MDM4: variants seen among roughly 807,000 people sequenced by gnomAD.
MDM4 encodes MDM4 regulator of p53, also known as protein Mdm4.
MDM4 carries 2 observed loss-of-function variants against 60.2 expected under a neutral mutation model. The ratio of observed to expected loss-of-function variants is 0.03; its 90% CI spans 0.01 to 0.10. MDM4 has a LOEUF of 0.10. Ranked by LOEUF, MDM4 falls within the 10% of genes least tolerant of loss-of-function variation. MDM4 has a pLI of 1.00. For synonymous variants in MDM4, 202 were observed against 198.1 expected, an observed-to-expected ratio of 1.02 and a Z score of -0.17; for missense variants, 447 against 577.5, an observed-to-expected ratio of 0.77 and a Z score of 2.32.
intron 6 of MDM4, chr1:204,537,875 T>G (rs746708142): frequency 1.5e-6 from 1 of 672,262 alleles, no homozygotes; most frequent in Non-Finnish European, 2.9e-6. Context: ...TTTATAGTCA[T>G]CTTGGTACGT....
intron 1 of MDM4, 164 bp from the exon 2 acceptor site, chr1:204,525,320 C>T (rs1435082344): frequency 1.0e-6 from 1 of 984,668 alleles, no homozygotes; most frequent in Non-Finnish European, 1.2e-6. Flanking sequence ...AGAAAGTAGT[C>T]AGAAGATATG....
At position 204,530,667 on chromosome 1, in the gene MDM4, T is replaced by C. The variant is rs190304158; in HGVS notation, c.154-17T>C. The C allele has an allele frequency of 9.3e-6, 15 of 1,614,068 alleles. No homozygotes were observed. The Admixed American group carries it at 2.0e-4, about 22-fold the overall frequency. On this transcript the variant is annotated splice_polypyrimidine_tract_variant and intron_variant, in intron 3 of 10. Transcript: ENST00000367182. ...AGCAGCTGGACAGATCACAACATGG[T>C]ATTTTATTCCATGCAGGTCATGCAC...
At position 204,527,823 on chromosome 1, in the gene MDM4, A is replaced by G. The variant is rs193283194; in HGVS notation, c.153+1389A>G. On this transcript the variant is annotated intron_variant, in intron 3 of 10. Transcript: ENST00000367182. Reference sequence around the variant, plus strand: ...GAACTGCTTTCATTTGGTGGGGTAGATATCTAACCCTTCCTAAAGAGAAGA... The same window carrying G: ...GAACTGCTTTCATTTGGTGGGGTAGGTATCTAACCCTTCCTAAAGAGAAGA... Among the ~76,000 whole-genome samples, 16 of 151,956 alleles carry G rather than the reference A, an allele frequency of 1.1e-4. No individual in the cohort carries two copies. In the East Asian group the frequency reaches 1.7e-3, roughly 16 times the overall value.
chr1:204,544,135 T>G (rs1271122997), intron 8 of MDM4, among the ~76,000 whole-genome samples: 1 of 152,228 alleles, frequency 6.6e-6, no homozygotes, highest in Non-Finnish European at 1.5e-5. Context: ...TAAACATCCT[T>G]GACCATTTTA....
chr1:204,552,720 C>T lies in MDM4; in HGVS notation c.*3038C>T, dbSNP rs2102472607. The stretch of plus-strand genomic sequence containing the variant: ...ACACATCATTGCCCATGAAAGAATC[C>T]TCTTAGGCTGCTCAGCTTCACTCTT... On this transcript the variant is annotated 3_prime_UTR_variant, in exon 11 of 11. Transcript: ENST00000367182. The T allele has an allele frequency of 5.5e-6, 1 of 182,946 alleles. No individual in the cohort carries two copies. The highest frequency in any genetic ancestry group is 2.1e-3 in the Middle Eastern group (1 of 474). The allele number at this position is 182,946 out of a possible 1,614,324, so 11.3% of individuals were successfully genotyped here.
intron 1 of MDM4, among the ~76,000 whole-genome samples, chr1:204,517,603 G>C (rs1659117715): frequency 6.6e-6 from 1 of 151,928 alleles, no homozygotes; most frequent in Admixed American, 6.6e-5. Context: ...GGTTTCACCA[G>C]GTTGGCCAGG....
At position 204,544,613 on chromosome 1, in the gene MDM4, G is replaced by A; in HGVS notation, c.751G>A (p.Val251Ile). 6.2e-7 allele frequency: 1 copy of A among 1,613,894 alleles called. No individual in the cohort carries two copies. The highest frequency in any genetic ancestry group is 8.5e-7 in the Non-Finnish European group (1 of 1,179,850). Residue 251 changes from valine to isoleucine, a missense_variant, in exon 9 of 11, where the codon GTT (valine) becomes ATT (isoleucine). Physicochemically the swap from Val to Ile is conservative, Grantham distance 29 (BLOSUM62 3). This residue lies in a region of MDM4 where 184 missense variants were observed against 179.3 expected (regional missense o/e 1.03). Coordinates refer to ENST00000367182, the MANE Select transcript of MDM4 (RefSeq NM_002393.5). ...LNESVSEQLG[V>I]GIKVEAADTE... ...TGAGTCAGTATCAGAGCAGTTAGGT[G>A]TTGGAATAAAAGTTGAAGCTGCTGA...
chr1:204,522,858 ATTGTC>A (rs1343957162), intron 1 of MDM4, among the ~76,000 whole-genome samples: 1 of 128,888 alleles, frequency 7.8e-6, no homozygotes, highest in Non-Finnish European at 1.7e-5. Context: ...GTATTTACTG[ATTGTC>A]TTTTTTTTTT....
At chr1:204,542,275 G>A (rs1278339909) in intron 7 of MDM4, among the ~76,000 whole-genome samples, 2 of 152,180 alleles carry the variant, frequency 1.3e-5, no homozygotes, top group Non-Finnish European at 2.9e-5. Flanking sequence ...GAGATTGCCT[G>A]GACAACCTTG....
At chr1:204,532,109 C>T (rs547677072) in intron 4 of MDM4, 82 bp from the exon 5 acceptor site, 1 of 816,400 alleles carries the variant, frequency 1.2e-6, no homozygotes, top group East Asian at 2.5e-5. Context: ...ATCAGAAATA[C>T]ATTTAATATT....
In MDM4 at chr1:204,555,194, G is replaced by C. The variant is rs527672353; in HGVS notation, c.*5512G>C. The C allele has an allele frequency of 1.1e-5, 2 of 174,088 alleles. No homozygotes were observed. The highest frequency in any genetic ancestry group is 9.4e-5 in the East Asian group (1 of 10,592). The allele number at this position is 174,088 out of a possible 1,614,324, so 10.8% of individuals were successfully genotyped here. A position where few individuals can be genotyped will look rare whatever the true frequency, so the allele number is the denominator to read the frequency against. On this transcript the variant is annotated 3_prime_UTR_variant, in exon 11 of 11. Transcript: ENST00000367182. ...TTTTTAGACGGAGTCTCTCTCTGTC[G>C]CCCCGGCTGGAGTGCAGTGGCGCGA... is the stretch of plus-strand genomic sequence containing the variant.
rs1663217414 is a variant in MDM4 at position 204,551,640 on chromosome 1, ACC to A, written c.*1962_*1963del. 1 of 231,268 alleles carries A rather than the reference ACC, an allele frequency of 4.3e-6. No homozygotes were observed. The highest frequency in any genetic ancestry group is 1.8e-4 in the South Asian group (1 of 5,486). 14.3% of individuals were successfully genotyped at this position (231,268 alleles called of 1,614,324 possible). A position where few individuals can be genotyped will look rare whatever the true frequency, so the allele number is the denominator to read the frequency against. ...TCCATAGAGCTATGCATGTATCCTT[ACC>A]CCCATGGGAAAATGTTGGTGTGTTC... On this transcript the variant is annotated 3_prime_UTR_variant, in exon 11 of 11. Transcript: ENST00000367182.
chr1:204,544,705 A>G (rs774964463), intron 9 of MDM4, 21 bp downstream of exon 9: 1 of 1,600,392 alleles, frequency 6.2e-7, no homozygotes, highest in Non-Finnish European at 8.5e-7. Flanking sequence ...GAAAAATTCC[A>G]TGTTGATTCT....
intron 6 of MDM4, 110 bp downstream of exon 6, chr1:204,537,607 A>G (rs1276736300): frequency 1.3e-6 from 1 of 792,812 alleles, no homozygotes; most frequent in Non-Finnish European, 2.2e-6. Context: ...GAATTTAATA[A>G]GAAAGGTTCT....
Position 204,546,948 on chromosome 1 carries a change from T to C in MDM4, c.903+71T>C. On this transcript the variant is annotated intron_variant, in intron 10 of 10. Transcript: ENST00000367182. ...GATGATGTAATCCCAGCAGTTCACT[T>C]GTGTTGAAGAGTGCTGTTTACCCCT... 3 of 974,114 alleles carry C rather than the reference T, an allele frequency of 3.1e-6. No homozygotes were observed. The South Asian group carries it at 4.3e-5, about 14-fold the overall frequency. The allele number at this position is 974,114 out of a possible 1,614,324, so 60.3% of individuals were successfully genotyped here.
rs556094662 is a variant in MDM4 at position 204,551,182 on chromosome 1, A to C, written c.*1500A>C. 1.0e-5 allele frequency: 2 copies of C among 195,756 alleles called. No homozygotes were observed. Among genetic ancestry groups the C allele is most frequent in the African/African-American group, 4.6e-5 (2 of 43,056 alleles). 12.1% of individuals were successfully genotyped at this position (195,756 alleles called of 1,614,324 possible). On this transcript the variant is annotated 3_prime_UTR_variant, in exon 11 of 11. Coordinates refer to ENST00000367182, the MANE Select transcript of MDM4 (RefSeq NM_002393.5). ...CTAAGCCTCCCAAGTAGCTGGGTCT[A>C]TAGGCGCGTGCCACCACCATGCCCA...
rs746100678 is a variant in MDM4 at position 204,549,547 on chromosome 1, C to T, written c.1338C>T (p.Asp446=). The T allele has an allele frequency of 1.7e-5, 27 of 1,613,468 alleles. No individual in the cohort carries two copies. The highest frequency in any genetic ancestry group is 2.0e-5 in the Non-Finnish European group (24 of 1,179,890). Residue 446 remains aspartate, a synonymous_variant, in exon 11 of 11, where the codon GAC becomes GAT. Transcript: ENST00000367182. The part of the protein sequence containing the change: ...PCSLCEKRPR[D]GNIIHGRTGH... Reference sequence around the variant, plus strand: ...GCTTATGTGAGAAAAGACCACGAGACGGGAACATTATTCATGGAAGGACGG... The same window carrying T: ...GCTTATGTGAGAAAAGACCACGAGATGGGAACATTATTCATGGAAGGACGG...
At chr1:204,526,019 C>A (rs969727455) in intron 2 of MDM4, among the ~76,000 whole-genome samples, 3 of 152,032 alleles carry the variant, frequency 2.0e-5, no homozygotes, top group African/African-American at 7.2e-5. Context: ...CTTCGGGAGG[C>A]GGAGGTAGGC....
In MDM4 at chr1:204,556,098, GA is replaced by G. The variant is rs200960621; in HGVS notation, c.*6425del. ...ATAATAAAACTCTGGTCTCCCTTAA[GA>G]AAAAAAAACCCTTCCACCTTTACTG... On this transcript the variant is annotated 3_prime_UTR_variant, in exon 11 of 11. Coordinates refer to ENST00000367182, the MANE Select transcript of MDM4 (RefSeq NM_002393.5). 1.8e-5 allele frequency: 4 copies of G among 217,986 alleles called. No homozygotes were observed. Among genetic ancestry groups the G allele is most frequent in the East Asian group, 6.7e-5 (1 of 14,918 alleles). The allele number at this position is 217,986 out of a possible 1,614,324, so 13.5% of individuals were successfully genotyped here. A position where few individuals can be genotyped will look rare whatever the true frequency, so the allele number is the denominator to read the frequency against.
Sources: gnomAD v4.1 joint callset for allele counts (sites outside exome capture counted in the v4.1 genomes callset) on GRCh38, gnomAD v4.1.1 for gene constraint, gnomAD v4.1.1 regional missense constraint, MANE v1.5 for transcripts, NCBI Gene and HGNC (gene_info 2026-07-23, HGNC 2026-07-21) for gene names.